RUNX1: variants seen among roughly 807,000 people sequenced by gnomAD.
RUNX1 encodes RUNX family transcription factor 1.
In RUNX1, 19 loss-of-function variants were observed where a neutral mutation model predicts 42.8. The observed-to-expected ratio is 0.44, with a 90% confidence interval of 0.31 to 0.65. The LOEUF (loss-of-function observed/expected upper bound fraction) is 0.65. Among genes scored for constraint, RUNX1 ranks in the 30% least tolerant of loss-of-function variants. RUNX1 has a pLI of 0.07. For missense variants in RUNX1, 528 were observed against 672.0 expected, an observed-to-expected ratio of 0.79 and a Z score of 2.37; for synonymous variants, 271 against 289.4, an observed-to-expected ratio of 0.94 and a Z score of 0.64.
intron 2 of RUNX1, among the ~76,000 whole-genome samples, chr21:34,906,870 A>G (rs546686478): frequency 4.6e-5 from 7 of 152,222 alleles, no homozygotes; most frequent in Non-Finnish European, 1.0e-4. Flanking sequence ...TTTCCAGAAT[A>G]GTACTTAAGA....
chr21:34,894,487 G>A (rs2058112683), intron 2 of RUNX1, among the ~76,000 whole-genome samples: 1 of 152,098 alleles, frequency 6.6e-6, no homozygotes, highest in Non-Finnish European at 1.5e-5. Context: ...GGTTAAATTG[G>A]GGAGGGGGAA....
chr21:34,974,429 T>A (rs1413072964), intron 2 of RUNX1, among the ~76,000 whole-genome samples: 2 of 152,108 alleles, frequency 1.3e-5, no homozygotes, highest in South Asian at 2.1e-4. Context: ...CAGTGTGGTT[T>A]TTACTCAAAA....
In RUNX1 at chr21:34,843,742, AG is replaced by A. The variant is rs2057277335; in HGVS notation, c.614-9142del. Among the ~76,000 whole-genome samples the A allele has an allele frequency of 1.3e-5, 2 of 151,818 alleles. No individual in the cohort carries two copies. Among genetic ancestry groups the A allele is most frequent in the Admixed American group, 1.3e-4 (2 of 15,222 alleles). On this transcript the variant is annotated intron_variant, in intron 6 of 8. Coordinates refer to ENST00000675419, the MANE Select transcript of RUNX1 (RefSeq NM_001754.5). The surrounding 1 kb of genome is among the most constrained non-coding windows in gnomAD (Gnocchi z 4.8). Reference sequence around the variant, plus strand: ...AACCCAAACAAAACTCTGCTCCCTGAGTCCAGGGCTCATTGCCACGAGCAGT... The same window carrying A: ...AACCCAAACAAAACTCTGCTCCCTGATCCAGGGCTCATTGCCACGAGCAGT...
At position 35,048,896 on chromosome 21, in the gene RUNX1, C is replaced by T. The variant is rs748052737; in HGVS notation, c.4G>A (p.Ala2Thr). M[A>T]SDSIFESFPS... ...AATGACTCAAATATGCTGTCTGAAG[C>T]CATCGCTTCCTCCTGAAAATGCACC... The change falls in exon 2 of 9, where the codon GCT becomes ACT. Residue 2 changes from alanine to threonine, a missense_variant. This residue lies in a region of RUNX1 where 114 missense variants were observed against 115.0 expected (regional missense o/e 0.99). Transcript: ENST00000675419. The T allele has an allele frequency of 2.5e-6, 4 of 1,613,874 alleles. No individual in the cohort carries two copies. Among genetic ancestry groups the T allele is most frequent in the Non-Finnish European group, 3.4e-6 (4 of 1,179,872 alleles).
At chr21:34,944,699 A>C (rs115774455) in intron 2 of RUNX1, among the ~76,000 whole-genome samples, 1,594 of 152,288 alleles carry the variant, frequency 0.01, 23 homozygotes, top group African/African-American at 0.037. Context: ...GGGGAGGCCT[A>C]GGTCTGGGTT....
At chr21:34,872,551 AAAAATAAGTTTTTCATAAAATTT>A (rs1415279049) in intron 5 of RUNX1, among the ~76,000 whole-genome samples, 2 of 152,242 alleles carry the variant, frequency 1.3e-5, no homozygotes, top group Non-Finnish European at 2.9e-5. Flanking sequence ...GCAATGTTTT[AAAAATAAGTTTTTCATAAAATTT>A]AAAATAAGTT....
chr21:34,885,297 GT>G (rs1569082784), intron 4 of RUNX1, among the ~76,000 whole-genome samples: 1 of 152,148 alleles, frequency 6.6e-6, no homozygotes, highest in Non-Finnish European at 1.5e-5. Flanking sequence ...GCCCAACCCT[GT>G]TGGGTCCCCT....
intron 2 of RUNX1, among the ~76,000 whole-genome samples, chr21:35,042,411 T>C (rs1483280181): frequency 6.6e-6 from 1 of 152,192 alleles, no homozygotes; most frequent in Admixed American, 6.5e-5. Flanking sequence ...TGTCACCAGG[T>C]CTGGCAGATG....
intron 2 of RUNX1, among the ~76,000 whole-genome samples, chr21:35,047,545 ACACACACACACACACACTCT>A (rs1373137206): frequency 3.3e-4 from 43 of 129,566 alleles, no homozygotes; most frequent in African/African-American, 5.5e-4. Context: ...ACACACACAC[ACACACACACACACACACTCT>A]CTCTCTCTCT....
chr21:34,952,706 A>G (rs558726377), intron 2 of RUNX1, among the ~76,000 whole-genome samples: 29 of 152,338 alleles, frequency 1.9e-4, no homozygotes, highest in African/African-American at 7.0e-4. Flanking sequence ...GGGACGTTTA[A>G]TATAACCAAG....
intron 5 of RUNX1, among the ~76,000 whole-genome samples, chr21:34,870,075 G>A (rs145127565): frequency 1.8e-4 from 27 of 152,174 alleles, no homozygotes; most frequent in African/African-American, 6.3e-4. Context: ...AGGGCCTGCC[G>A]CATATAACCC....
chr21:35,048,421 C>T (rs1339123148), intron 2 of RUNX1, among the ~76,000 whole-genome samples: 1 of 152,226 alleles, frequency 6.6e-6, no homozygotes, highest in Non-Finnish European at 1.5e-5. Context: ...GCCTGCTAAG[C>T]CCCAGGGCAG....
At chr21:34,979,947 C>T (rs151247915) in intron 2 of RUNX1, among the ~76,000 whole-genome samples, 4 of 152,274 alleles carry the variant, frequency 2.6e-5, no homozygotes, top group Admixed American at 6.5e-5. Context: ...AGGTCGCCTG[C>T]CCCAGAACAC....
chr21:35,020,698 T>TC (rs2059192227), intron 2 of RUNX1, among the ~76,000 whole-genome samples: 1 of 152,124 alleles, frequency 6.6e-6, no homozygotes, highest in Admixed American at 6.5e-5. Flanking sequence ...CAGTTTTAGA[T>TC]TTAAGCCAGG....
At chr21:34,804,095 T>C (rs1309121065) in intron 7 of RUNX1, among the ~76,000 whole-genome samples, 1 of 152,182 alleles carries the variant, frequency 6.6e-6, no homozygotes, top group East Asian at 1.9e-4. Context: ...CAGGCAAATA[T>C]AGAGAATCAT....
chr21:34,915,893 G>A (rs542183994), intron 2 of RUNX1, among the ~76,000 whole-genome samples: 4 of 152,242 alleles, frequency 2.6e-5, no homozygotes, highest in African/African-American at 7.2e-5. Context: ...CACATTCCTC[G>A]TTTTTGGAAG....
intron 7 of RUNX1, among the ~76,000 whole-genome samples, chr21:34,801,981 G>GA (rs1010972080): frequency 0.089 from 8 of 90 alleles, no homozygotes; most frequent in African/African-American, 0.21. Flanking sequence ...CACCTCCGAA[G>GA]GAGGTGATCC....
intron 6 of RUNX1, among the ~76,000 whole-genome samples, chr21:34,852,420 T>C (rs947388363): frequency 2.6e-5 from 4 of 152,164 alleles, no homozygotes; most frequent in African/African-American, 9.7e-5. Flanking sequence ...TCTGTATGCA[T>C]GTAAAATTCT....
chr21:35,016,958 T>C (rs1465512443), intron 2 of RUNX1, among the ~76,000 whole-genome samples: 1 of 148,458 alleles, frequency 6.7e-6, no homozygotes, highest in Non-Finnish European at 1.5e-5. Flanking sequence ...GAGAAGCTCA[T>C]AAAGTGCAGA....
Sources: allele counts gnomAD v4.1 joint callset (sites outside exome capture counted in the v4.1 genomes callset), GRCh38; gene constraint gnomAD v4.1.1; regional missense constraint gnomAD v4.1.1; non-coding constraint Gnocchi (gnomAD v3.1); transcripts MANE v1.5; gene names NCBI Gene and HGNC (gene_info 2026-07-23, HGNC 2026-07-21).